Variants in HAO1 observed in about 807,000 individuals in gnomAD.
HAO1 encodes the protein hydroxyacid oxidase 1, also known as 2-Hydroxyacid oxidase 1.
Under a neutral mutation model 39.7 loss-of-function variants are expected in HAO1, and 34 were observed. The observed-to-expected ratio is 0.86, with a 90% CI of 0.65 to 1.14. The LOEUF is 1.14. Ranked by LOEUF, HAO1 falls within the 50% of genes most tolerant of loss-of-function variation. The probability of loss-of-function intolerance (pLI) is 0.00; values close to 1 mark genes in which losing one functional copy is unlikely to be tolerated. For synonymous variants in HAO1, 172 were observed against 173.2 expected, an observed-to-expected ratio of 0.99 and a Z score of 0.05; for missense variants, 479 against 464.5, an observed-to-expected ratio of 1.03 and a Z score of -0.29.
intron 3 of HAO1, among the ~76,000 whole-genome samples, chr20:7,912,789 A>G (rs1193333448): frequency 6.6e-6 from 1 of 152,138 alleles, no homozygotes. Flanking sequence ...TTTGGCAGGG[A>G]GAGCACTTTC....
chr20:7,926,197 T>A (rs2050358630), intron 2 of HAO1, among the ~76,000 whole-genome samples: 1 of 152,126 alleles, frequency 6.6e-6, no homozygotes, highest in Non-Finnish European at 1.5e-5. Flanking sequence ...TCACCACCAT[T>A]ACTGGCACTA....
chr20:7,926,990 T>C (rs2050362135), intron 2 of HAO1, among the ~76,000 whole-genome samples: 1 of 152,134 alleles, frequency 6.6e-6, no homozygotes, highest in South Asian at 2.1e-4. Flanking sequence ...CTTGCCCACA[T>C]AACAAGTCAG....
At chr20:7,919,750 G>A (rs1016132769) in intron 2 of HAO1, among the ~76,000 whole-genome samples, 3 of 152,128 alleles carry the variant, frequency 2.0e-5, no homozygotes, top group African/African-American at 7.2e-5. Flanking sequence ...GTGAGAGGAC[G>A]CCTAATGCAT....
rs749121137 is a variant in HAO1, at chr20:7,940,417, G to A, written c.6C>T (p.Leu2=). Residue 2 remains leucine, a synonymous_variant, in exon 1 of 8, where the codon CTC becomes CTT. Transcript: ENST00000378789. M[L]PRLICINDYE... is the part of the protein sequence containing the mutation. ...AATCATTGATACAAATTAGCCGGGG[G>A]AGCATTTTCACAGGTTATTGCTATC... 1 of 1,605,450 alleles carries A rather than the reference G, an allele frequency of 6.2e-7. No individual in the cohort carries two copies. Among genetic ancestry groups the A allele is most frequent in the African/African-American group, 1.4e-5 (1 of 74,026 alleles).
chr20:7,901,645 C>T (rs897252710), intron 4 of HAO1, among the ~76,000 whole-genome samples: 5 of 152,202 alleles, frequency 3.3e-5, no homozygotes, highest in Admixed American at 1.3e-4. Context: ...GTTAACACAA[C>T]CTCCACTCCA....
At chr20:7,937,168 TA>T (rs1223847507) in intron 1 of HAO1, among the ~76,000 whole-genome samples, 1 of 152,038 alleles carries the variant, frequency 6.6e-6, no homozygotes, top group Non-Finnish European at 1.5e-5. Flanking sequence ...ATTTAACTTA[TA>T]AAAAAATCAA....
At chr20:7,895,108 A>T in intron 5 of HAO1, 25 bp downstream of exon 5, 1 of 1,456,330 alleles carries the variant, frequency 6.9e-7, no homozygotes, top group Non-Finnish European at 9.7e-7. Context: ...TCCAAAAGGA[A>T]ATCTTAGCGT....
At chr20:7,916,833 C>G (rs577631997) in intron 2 of HAO1, among the ~76,000 whole-genome samples, 4 of 152,150 alleles carry the variant, frequency 2.6e-5, no homozygotes, top group African/African-American at 9.7e-5. Flanking sequence ...CCAAAGAGTT[C>G]CTTCTATAGG....
intron 4 of HAO1, among the ~76,000 whole-genome samples, chr20:7,898,202 C>G (rs558045071): frequency 6.6e-6 from 1 of 152,070 alleles, no homozygotes; most frequent in East Asian, 1.9e-4. Flanking sequence ...TCAGTCAGTC[C>G]CCTTGCGTTT....
At chr20:7,931,652 G>T (rs974890775) in intron 2 of HAO1, among the ~76,000 whole-genome samples, 1 of 152,124 alleles carries the variant, frequency 6.6e-6, no homozygotes, top group African/African-American at 2.4e-5. Flanking sequence ...AATCTAAGGG[G>T]ATAAGACTGT....
intron 3 of HAO1, among the ~76,000 whole-genome samples, chr20:7,907,108 T>G (rs187170601): frequency 1.7e-3 from 261 of 152,268 alleles, no homozygotes; most frequent in Non-Finnish European, 3.2e-3. Context: ...ATGGGAGAAG[T>G]GGGAACTGTT....
At chr20:7,932,445 A>G (rs1162809622) in intron 2 of HAO1, among the ~76,000 whole-genome samples, 1 of 152,100 alleles carries the variant, frequency 6.6e-6, no homozygotes, top group African/African-American at 2.4e-5. Context: ...TACTCTTTTA[A>G]ATCTAATTGT....
intron 4 of HAO1, among the ~76,000 whole-genome samples, chr20:7,900,857 T>A (rs2050218293): frequency 6.6e-6 from 1 of 152,196 alleles, no homozygotes; most frequent in African/African-American, 2.4e-5. Flanking sequence ...GCTAGGCTCC[T>A]TGTGCCAAAC....
intron 3 of HAO1, among the ~76,000 whole-genome samples, chr20:7,909,381 A>ATATG (rs1555774036): frequency 0.011 from 811 of 72,828 alleles, 7 homozygotes; most frequent in Admixed American, 0.031. Flanking sequence ...ATATATATGT[A>ATATG]TATATATATA....
intron 1 of HAO1, among the ~76,000 whole-genome samples, chr20:7,936,841 G>T (rs891039099): frequency 3.9e-5 from 6 of 152,014 alleles, no homozygotes; most frequent in Non-Finnish European, 8.8e-5. Context: ...TCCATGTTTT[G>T]ATATTTTTCA....
intron 2 of HAO1, among the ~76,000 whole-genome samples, chr20:7,921,079 T>G (rs565448677): frequency 6.7e-6 from 1 of 148,752 alleles, no homozygotes; most frequent in South Asian, 2.1e-4. Context: ...AATAAGGAAC[T>G]CAAACAACTC....
At position 7,940,281 on chromosome 20, in the gene HAO1, C is replaced by A. The variant is rs762096416; in HGVS notation, c.137+5G>T. On this transcript the variant is annotated splice_donor_5th_base_variant and intron_variant, in intron 1 of 7. Coordinates refer to ENST00000378789, the MANE Select transcript of HAO1 (RefSeq NM_017545.3). Reference sequence around the variant, plus strand: ...AACATGATTTTAAAAAATAAATTTTCTTACCTGGAAAATGCTGCAATATTA... The same window carrying A: ...AACATGATTTTAAAAAATAAATTTTATTACCTGGAAAATGCTGCAATATTA... The A allele has an allele frequency of 3.1e-6, 5 of 1,589,706 alleles. No individual in the cohort carries two copies. Among genetic ancestry groups the A allele is most frequent in the Non-Finnish European group, 4.3e-6 (5 of 1,172,270 alleles).
rs559321112 is a variant in HAO1, at chr20:7,891,341, T to C, written c.813+3792A>G. On this transcript the variant is annotated intron_variant, in intron 5 of 7. Transcript: ENST00000378789. ...TATGTTTGTTGGCCATTTGTATATC[T>C]TCTTTTGAGAATTGTCTATTCATGT... is the stretch of plus-strand genomic sequence containing the variant. Among the ~76,000 whole-genome samples the C allele has an allele frequency of 7.2e-5, 11 of 152,362 alleles. No individual in the cohort carries two copies. The East Asian group carries it at 2.1e-3, about 29-fold the overall frequency.
At chr20:7,918,618 G>C (rs75449290) in intron 2 of HAO1, among the ~76,000 whole-genome samples, 4 of 152,212 alleles carry the variant, frequency 2.6e-5, no homozygotes, top group Non-Finnish European at 4.4e-5. Context: ...CCGGCAGAGC[G>C]GGGGGCATCC....
Sources: gnomAD v4.1 joint callset for allele counts (sites outside exome capture counted in the v4.1 genomes callset) on GRCh38, gnomAD v4.1.1 for gene constraint, MANE v1.5 for transcripts, NCBI Gene and HGNC (gene_info 2026-07-23, HGNC 2026-07-21) for gene names.